GALNTL6: variants seen among roughly 807,000 people sequenced by gnomAD.
The protein encoded by GALNTL6 is polypeptide N-acetylgalactosaminyltransferase-like 6.
Under a neutral mutation model 73.7 loss-of-function variants are expected in GALNTL6, and 46 were observed. The ratio of observed to expected loss-of-function variants is 0.62; its 90% CI spans 0.49 to 0.80. The LOEUF (loss-of-function observed/expected upper bound fraction) is 0.80, where lower values mean the gene tolerates loss of function less well. GALNTL6 is among the 30% of genes least tolerant of loss of function. The probability of loss-of-function intolerance (pLI) is 0.00; values close to 1 mark genes in which losing one functional copy is unlikely to be tolerated. For missense variants in GALNTL6, 604 were observed against 755.0 expected, an observed-to-expected ratio of 0.80 and a Z score of 2.34; for synonymous variants, 259 against 263.7, an observed-to-expected ratio of 0.98 and a Z score of 0.17.
chr4:172,041,267 C>T (rs1470456489), intron 2 of GALNTL6, among the ~76,000 whole-genome samples: 1 of 151,986 alleles, frequency 6.6e-6, no homozygotes, highest in Non-Finnish European at 1.5e-5. Flanking sequence ...ATGGAGTTTG[C>T]TCTTTTTCAA....
At chr4:172,998,298 T>A (rs546927954) in intron 10 of GALNTL6, among the ~76,000 whole-genome samples, 58 of 152,300 alleles carry the variant, frequency 3.8e-4, no homozygotes, top group Non-Finnish European at 7.1e-4. Flanking sequence ...TAGTGAAAAA[T>A]CCTATAAGAA....
At chr4:172,762,063 C>G (rs1272943762) in intron 5 of GALNTL6, among the ~76,000 whole-genome samples, 2 of 152,158 alleles carry the variant, frequency 1.3e-5, no homozygotes, top group Non-Finnish European at 2.9e-5. Flanking sequence ...GATCTTTTTA[C>G]TTATTTTCCA....
At chr4:173,039,529 T>G (rs1753822191) in intron 12 of GALNTL6, among the ~76,000 whole-genome samples, 1 of 152,162 alleles carries the variant, frequency 6.6e-6, no homozygotes, top group Admixed American at 6.5e-5. Flanking sequence ...AAAATACAAT[T>G]TTTTGTGTAT....
intron 5 of GALNTL6, among the ~76,000 whole-genome samples, chr4:172,772,726 G>T (rs981829848): frequency 9.3e-6 from 1 of 107,728 alleles, no homozygotes; most frequent in Non-Finnish European, 2.2e-5. Flanking sequence ...GCTGAGTAGT[G>T]GCCCCAAAGA....
intron 5 of GALNTL6, among the ~76,000 whole-genome samples, chr4:172,613,177 G>A (rs935931320): frequency 6.6e-6 from 1 of 152,084 alleles, no homozygotes; most frequent in Admixed American, 6.6e-5. Flanking sequence ...ATAGATGCTG[G>A]GGGAAGGGAG....
At position 172,593,560 on chromosome 4, in the gene GALNTL6, A is replaced by G. The variant is rs541562123; in HGVS notation, c.554-215801A>G. ...GGCCAAAATTAACTATCAGTATTAC[A>G]TAGTATATGTAATGATAATGTACTG... On this transcript the variant is annotated intron_variant, in intron 5 of 12. Transcript: ENST00000506823. Among the ~76,000 whole-genome samples, 8 of 152,298 alleles carry G rather than the reference A, an allele frequency of 5.3e-5. No homozygotes were observed. In the South Asian group the frequency reaches 1.4e-3, roughly 28 times the overall value.
At chr4:172,610,302 T>C (rs577851154) in intron 5 of GALNTL6, among the ~76,000 whole-genome samples, 110 of 152,226 alleles carry the variant, frequency 7.2e-4, no homozygotes, top group Middle Eastern at 3.4e-3. Flanking sequence ...GGTTGTTAAA[T>C]TGGGATCTTT....
At chr4:172,077,603 G>C (rs1161391468) in intron 2 of GALNTL6, among the ~76,000 whole-genome samples, 1 of 152,112 alleles carries the variant, frequency 6.6e-6, no homozygotes, top group South Asian at 2.1e-4. Context: ...GAGTATATTT[G>C]TATGTGTGAA....
intron 5 of GALNTL6, among the ~76,000 whole-genome samples, chr4:172,559,127 C>T (rs187897056): frequency 0.014 from 1,617 of 117,300 alleles, 13 homozygotes; most frequent in Admixed American, 0.032. Context: ...AGTGCAGTCG[C>T]GATCTCGGCT....
intron 2 of GALNTL6, among the ~76,000 whole-genome samples, chr4:172,133,269 C>A (rs1348289668): frequency 2.0e-5 from 3 of 152,092 alleles, no homozygotes; most frequent in Admixed American, 6.5e-5. Context: ...AGGTCATGAT[C>A]CAGGAACTAT....
intron 5 of GALNTL6, among the ~76,000 whole-genome samples, chr4:172,384,797 A>T (rs1255925048): frequency 6.6e-6 from 1 of 152,052 alleles, no homozygotes; most frequent in Non-Finnish European, 1.5e-5. Context: ...GTTTTATTAG[A>T]GACAGGGCCT....
At chr4:172,236,037 T>A (rs55791813) in intron 3 of GALNTL6, among the ~76,000 whole-genome samples, 58,143 of 151,966 alleles carry the variant, frequency 0.38, 11,282 homozygotes, top group Non-Finnish European at 0.41. Context: ...AAAAATAAAT[T>A]TATACCTCCT....
intron 3 of GALNTL6, among the ~76,000 whole-genome samples, chr4:172,292,870 C>G (rs1325019317): frequency 2.0e-5 from 3 of 152,072 alleles, no homozygotes; most frequent in Non-Finnish European, 2.9e-5. Flanking sequence ...TTGCATATTT[C>G]AGTTGTCTGT....
intron 5 of GALNTL6, among the ~76,000 whole-genome samples, chr4:172,750,454 G>A (rs536454936): frequency 6.6e-6 from 1 of 152,080 alleles, no homozygotes; most frequent in Non-Finnish European, 1.5e-5. Flanking sequence ...CAACATTATT[G>A]TCCAGAGTGA....
intron 5 of GALNTL6, among the ~76,000 whole-genome samples, chr4:172,624,134 T>C (rs943671711): frequency 2.0e-5 from 3 of 152,104 alleles, no homozygotes; most frequent in African/African-American, 7.2e-5. Context: ...ATCAGCACAC[T>C]TTTTCTTACA....
rs79677652 is a variant in GALNTL6, at chr4:172,877,430, T to C, written c.924-5360T>C. 4.7e-3 allele frequency among the ~76,000 whole-genome samples: 711 copies of C among 152,162 alleles called. 7 individuals carry two copies. The highest frequency in any genetic ancestry group is 0.014 in the African/African-American group (601 of 41,548). ...AAGGCTACAAGCATTAAGTACTGTA[T>C]CTTGGTTTAGAGAAGATGATCAACT... On this transcript the variant is annotated intron_variant, in intron 7 of 12. Transcript: ENST00000506823.
chr4:172,938,808 T>C (rs1448423706), intron 9 of GALNTL6, among the ~76,000 whole-genome samples: 1 of 152,224 alleles, frequency 6.6e-6, no homozygotes, highest in East Asian at 1.9e-4. Context: ...AAATGATAGA[T>C]CTTCCCTCAA....
chr4:172,661,354 C>A (rs1035483068), intron 5 of GALNTL6, among the ~76,000 whole-genome samples: 1 of 152,198 alleles, frequency 6.6e-6, no homozygotes, highest in Non-Finnish European at 1.5e-5. Flanking sequence ...TTGGACTCAT[C>A]AAGCCTTTAT....
At chr4:171,858,790 G>A (rs923165183) in intron 2 of GALNTL6, among the ~76,000 whole-genome samples, 21 of 151,878 alleles carry the variant, frequency 1.4e-4, no homozygotes, top group African/African-American at 4.8e-4. Context: ...TGAAGCTAAC[G>A]TTTTCAAATT....
Sources: allele counts gnomAD v4.1 joint callset (sites outside exome capture counted in the v4.1 genomes callset), GRCh38; gene constraint gnomAD v4.1.1; transcripts MANE v1.5; gene names NCBI Gene and HGNC (gene_info 2026-07-23, HGNC 2026-07-21).